UHRF2: variants seen among roughly 807,000 people sequenced by gnomAD.
UHRF2 encodes the protein E3 ubiquitin-protein ligase UHRF2.
A neutral mutation model predicts 96.8 loss-of-function variants in UHRF2; 23 were observed. The ratio of observed to expected loss-of-function variants is 0.24; its 90% CI spans 0.17 to 0.34. The LOEUF is 0.34. Ranked by LOEUF, UHRF2 falls within the 10% of genes least tolerant of loss-of-function variation. UHRF2 has a pLI of 1.00. For synonymous variants in UHRF2, 385 were observed against 332.6 expected (o/e 1.16, Z -1.72); for missense variants, 685 against 981.5 (o/e 0.70, Z 4.04).
At chr9:6,472,008 T>C (rs1823269472) in intron 4 of UHRF2, among the ~76,000 whole-genome samples, 1 of 152,232 alleles carries the variant, frequency 6.6e-6, no homozygotes, top group East Asian at 1.9e-4. Context: ...CATACAGTAA[T>C]ATGTACTTAC....
intron 12 of UHRF2, 155 bp from the exon 13 acceptor site, chr9:6,499,680 C>G (rs1825162914): frequency 4.3e-6 from 2 of 468,200 alleles, no homozygotes; most frequent in Non-Finnish European, 7.8e-6. Flanking sequence ...GCTTTGAATT[C>G]TTTTCCTTTA....
At chr9:6,416,964 C>G (rs1210314495) in intron 1 of UHRF2, among the ~76,000 whole-genome samples, 1 of 152,056 alleles carries the variant, frequency 6.6e-6, no homozygotes, top group Non-Finnish European at 1.5e-5. Flanking sequence ...AAAAAAGTTG[C>G]CTCTCCCACT....
chr9:6,444,081 A>G (rs1821346892), intron 3 of UHRF2, among the ~76,000 whole-genome samples: 1 of 152,222 alleles, frequency 6.6e-6, no homozygotes, highest in South Asian at 2.1e-4. Flanking sequence ...AGTTCCAAAA[A>G]TGTTTTTAAT....
At chr9:6,430,067 A>G (rs191052246) in intron 2 of UHRF2, among the ~76,000 whole-genome samples, 1 of 152,218 alleles carries the variant, frequency 6.6e-6, no homozygotes, top group African/African-American at 2.4e-5. Context: ...CTGAAGTGCA[A>G]TGGCACAATA....
intron 9 of UHRF2, among the ~76,000 whole-genome samples, chr9:6,490,035 A>T (rs1202508601): frequency 1.3e-5 from 2 of 152,214 alleles, no homozygotes; most frequent in Non-Finnish European, 2.9e-5. Context: ...AAGATGTTAT[A>T]TAGTTTATTA....
chr9:6,481,829 A>C, intron 7 of UHRF2, 63 bp downstream of exon 7: 1 of 1,569,016 alleles, frequency 6.4e-7, no homozygotes, highest in South Asian at 1.2e-5. Context: ...TTTTAATACC[A>C]ATAGTAGTAA....
At chr9:6,482,254 A>G (rs1158607646) in intron 8 of UHRF2, among the ~76,000 whole-genome samples, 155 bp downstream of exon 8, 1 of 152,222 alleles carries the variant, frequency 6.6e-6, no homozygotes, top group Non-Finnish European at 1.5e-5. Context: ...CCTGGAGGTT[A>G]ACAAAGGAAC....
intron 5 of UHRF2, among the ~76,000 whole-genome samples, chr9:6,477,215 C>T (rs375637633): frequency 2.6e-5 from 4 of 151,316 alleles, no homozygotes; most frequent in African/African-American, 9.7e-5. Context: ...GCCTGGGTGA[C>T]AGAGTGAGAC....
chr9:6,435,150 C>T (rs1309244205), intron 3 of UHRF2, among the ~76,000 whole-genome samples: 4 of 152,076 alleles, frequency 2.6e-5, no homozygotes, highest in African/African-American at 7.2e-5. Context: ...CGCACCACCA[C>T]GCCTGGCTAA....
intron 3 of UHRF2, among the ~76,000 whole-genome samples, chr9:6,455,343 G>A (rs568912855): frequency 3.5e-4 from 54 of 152,200 alleles, no homozygotes; most frequent in African/African-American, 1.3e-3. Context: ...CTGTGTCCAA[G>A]TGTTGTCATT....
intron 3 of UHRF2, among the ~76,000 whole-genome samples, chr9:6,442,019 C>G (rs887403082): frequency 6.6e-6 from 1 of 152,088 alleles, no homozygotes; most frequent in Non-Finnish European, 1.5e-5. Flanking sequence ...AGGCTGGAGT[C>G]CAGTGGCACG....
At chr9:6,465,961 G>C (rs1822833818) in intron 4 of UHRF2, among the ~76,000 whole-genome samples, 1 of 151,684 alleles carries the variant, frequency 6.6e-6, no homozygotes, top group African/African-American at 2.4e-5. Context: ...AACAAGTTTG[G>C]GATTCAAAAA....
At chr9:6,463,673 G>A (rs188172537) in intron 4 of UHRF2, among the ~76,000 whole-genome samples, 352 of 152,182 alleles carry the variant, frequency 2.3e-3, no homozygotes, top group Middle Eastern at 0.02. Flanking sequence ...GTTTCACCTT[G>A]TTGTCCAGGC....
At position 6,446,847 on chromosome 9, in the gene UHRF2, AAAAT is replaced by A. The variant is rs980709901; in HGVS notation, c.644+12682_644+12685del. Among the ~76,000 whole-genome samples, 17 of 152,038 alleles carry A rather than the reference AAAAT, an allele frequency of 1.1e-4. No individual in the cohort carries two copies. The East Asian group carries it at 2.4e-3, about 21-fold the overall frequency. On this transcript the variant is annotated intron_variant, in intron 3 of 15. Coordinates refer to ENST00000276893, the MANE Select transcript of UHRF2 (RefSeq NM_152896.3). ...GTGACAGAGTGAGACTCTGTCTCAA[AAAAT>A]AAATAAACAAACAAATAATACTTAT...
chr9:6,447,196 G>A (rs560059), intron 3 of UHRF2, among the ~76,000 whole-genome samples: 109,030 of 152,092 alleles, frequency 0.72, 39,419 homozygotes, highest in East Asian at 0.79. Flanking sequence ...GCCAGCACAC[G>A]TACCTTTTAA....
intron 6 of UHRF2, among the ~76,000 whole-genome samples, chr9:6,480,822 A>T (rs1006028966): frequency 6.6e-6 from 1 of 152,154 alleles, no homozygotes; most frequent in African/African-American, 2.4e-5. Flanking sequence ...AATTATTTAA[A>T]TTTTTCTCTC....
chr9:6,420,374 G>T (rs1163466348), intron 1 of UHRF2, among the ~76,000 whole-genome samples: 2 of 149,816 alleles, frequency 1.3e-5, no homozygotes, highest in Non-Finnish European at 3.0e-5. Flanking sequence ...TGTTTTAATG[G>T]CTAGCAGTGT....
Position 6,498,038 on chromosome 9 carries a change from G to A in UHRF2, c.1788G>A (p.Glu596=). ...GIYKVVKYWP[E]ISSSHGFLVW... Reference sequence around the variant, plus strand: ...TTTAGGTGGTGAAATACTGGCCAGAGATTTCATCAAGCCATGGATTCTTGG... The same window carrying A: ...TTTAGGTGGTGAAATACTGGCCAGAAATTTCATCAAGCCATGGATTCTTGG... Residue 596 remains glutamate (E), a synonymous_variant, in exon 12 of 16, where the codon GAG becomes GAA. Transcript: ENST00000276893. 3 of 1,613,030 alleles carry A rather than the reference G, an allele frequency of 1.9e-6. No homozygotes were observed. Among genetic ancestry groups the A allele is most frequent in the Non-Finnish European group, 2.5e-6 (3 of 1,179,922 alleles).
rs75346289 is a variant in UHRF2 at position 6,473,990 on chromosome 9, A to G, written c.864-1401A>G. 4.7e-3 allele frequency among the ~76,000 whole-genome samples: 721 copies of G among 152,302 alleles called. 5 individuals are homozygous for G. Among genetic ancestry groups the G allele is most frequent in the African/African-American group, 0.017 (699 of 41,552 alleles). Reference sequence around the variant, plus strand: ...AGATTTCAAGGAGGAAAGAGATGGCATGTGAATTTATAGATTAGAGACTTT... The same window carrying G: ...AGATTTCAAGGAGGAAAGAGATGGCGTGTGAATTTATAGATTAGAGACTTT... On this transcript the variant is annotated intron_variant, in intron 4 of 15. Transcript: ENST00000276893.
Sources: gnomAD v4.1 joint callset for allele counts (sites outside exome capture counted in the v4.1 genomes callset) on GRCh38, gnomAD v4.1.1 for gene constraint, MANE v1.5 for transcripts, NCBI Gene and HGNC (gene_info 2026-07-23, HGNC 2026-07-21) for gene names.